The following SBNO2 variants were observed in gnomAD, a reference collection of about 807,000 sequenced individuals.
The protein encoded by SBNO2 is protein strawberry notch homolog 2.
In SBNO2, 89 loss-of-function variants were observed where a neutral mutation model predicts 146.3. That is an observed-to-expected ratio of 0.61 (90% CI 0.51 to 0.73). SBNO2 has a LOEUF of 0.73. Ranked by LOEUF, SBNO2 falls within the 30% of genes least tolerant of loss-of-function variation. The pLI is 0.00. For synonymous variants in SBNO2, 1,147 were observed against 892.6 expected (o/e 1.29, Z -5.08); for missense variants, 2,092 against 2,003.7 (o/e 1.04, Z -0.84).
At chr19:1,168,143 C>A (rs2080443641) in intron 1 of SBNO2, among the ~76,000 whole-genome samples, 1 of 152,072 alleles carries the variant, frequency 6.6e-6, no homozygotes, top group Non-Finnish European at 1.5e-5. Context: ...GGTGGCAGCC[C>A]CTGGTGTTCC....
chr19:1,135,445 G>A (rs1599854191), intron 4 of SBNO2, among the ~76,000 whole-genome samples: 1 of 152,374 alleles, frequency 6.6e-6, no homozygotes, highest in Admixed American at 6.5e-5. Flanking sequence ...GAAAGAACAA[G>A]CACAGACTCC....
At chr19:1,145,488 A>G (rs1008434286) in intron 4 of SBNO2, among the ~76,000 whole-genome samples, 3 of 150,120 alleles carry the variant, frequency 2.0e-5, no homozygotes, top group African/African-American at 7.4e-5. Flanking sequence ...AAAAAAAAAA[A>G]GAAAGAAAGA....
chr19:1,135,045 C>CAA (rs201799961), intron 4 of SBNO2, among the ~76,000 whole-genome samples: 984 of 50,692 alleles, frequency 0.019, 34 homozygotes, highest in African/African-American at 0.045. Flanking sequence ...GACTCTGTCT[C>CAA]AAAAAAAAAA....
Position 1,122,900 on chromosome 19 carries a change from G to A in SBNO2, c.774C>T (p.Ala258=). ...GTTGGGGACATGCGGTCACCTGGCAGGCGTAGGTGATGGCCTCTAGCTGCA... is the reference window on the plus strand; with the variant it reads ...GTTGGGGACATGCGGTCACCTGGCAAGCGTAGGTGATGGCCTCTAGCTGCA... ...SALQLEAITY[A]CQQHEVLLPS... The change falls in exon 8 of 32, where the codon GCC becomes GCT. Residue 258 remains alanine, a synonymous_variant. Coordinates refer to ENST00000361757, the MANE Select transcript of SBNO2 (RefSeq NM_014963.3). 4.5e-6 allele frequency: 7 copies of A among 1,548,588 alleles called. No homozygotes were observed. The highest frequency in any genetic ancestry group is 2.4e-5 in the East Asian group (1 of 41,198).
At chr19:1,155,948 C>T (rs572815048) in intron 1 of SBNO2, among the ~76,000 whole-genome samples, 2 of 152,338 alleles carry the variant, frequency 1.3e-5, no homozygotes, top group East Asian at 1.9e-4. Context: ...CCCAGAGCTA[C>T]GCTGACCTTT....
In SBNO2 at chr19:1,119,963, C is replaced by T. The variant is rs1207686036; in HGVS notation, c.1210G>A (p.Val404Met). The T allele has an allele frequency of 1.8e-5, 28 of 1,550,984 alleles. No individual in the cohort carries two copies. The highest frequency in any genetic ancestry group is 2.4e-5 in the Non-Finnish European group (28 of 1,147,280). Residue 404 changes from valine to methionine, a missense_variant, in exon 12 of 32, where the codon GTG (valine) becomes ATG (methionine). Physicochemically the swap from Val to Met is conservative, Grantham distance 21. Transcript: ENST00000361757. ...GGCAGCTTGTTCTGCAGGTCTAGCACAGCCTTGCCCATCTTGGTGGAGCCG... is the reference window on the plus strand; with the variant it reads ...GGCAGCTTGTTCTGCAGGTCTAGCATAGCCTTGCCCATCTTGGTGGAGCCG... ...NAGSTKMGKAVLDLQNKLPLA... is the reference protein window; with the variant it reads ...NAGSTKMGKAMLDLQNKLPLA...
rs1255569969 is a variant in SBNO2, at chr19:1,108,242, G to C, written c.4079C>G (p.Pro1360Arg). 1 of 1,527,158 alleles carries C rather than the reference G, an allele frequency of 6.5e-7. No homozygotes were observed. Among genetic ancestry groups the C allele is most frequent in the Non-Finnish European group, 8.8e-7 (1 of 1,135,308 alleles). 94.6% of individuals were successfully genotyped at this position (1,527,158 alleles called of 1,614,324 possible). A position where few individuals can be genotyped will look rare whatever the true frequency, so the allele number is the denominator to read the frequency against. ...QSVIQFSPPFPGAQAPL is the reference protein window; with the variant it reads ...QSVIQFSPPFRGAQAPL The stretch of plus-strand genomic sequence containing the variant: ...GTGTCAGAGAGGAGCCTGGGCGCCG[G>C]GGAAGGGTGGGCTGAACTGGATCAC... The change falls in exon 32 of 32, where the codon CCC (proline) becomes CGC (arginine). Residue 1360 changes from proline (P) to arginine (R), a missense_variant. Transcript: ENST00000361757.
chr19:1,161,729 G>A (rs1048953445), intron 1 of SBNO2, among the ~76,000 whole-genome samples: 1 of 151,998 alleles, frequency 6.6e-6, no homozygotes, highest in Non-Finnish European at 1.5e-5. Flanking sequence ...AAGTTCTCAA[G>A]TCTGCTGCCA....
At chr19:1,145,153 G>GGA (rs898242340) in intron 4 of SBNO2, among the ~76,000 whole-genome samples, 5 of 151,592 alleles carry the variant, frequency 3.3e-5, no homozygotes, top group Admixed American at 2.6e-4. Context: ...GGGGGAAGAG[G>GGA]GAGAGAGAGA....
rs1568557327 is a variant in SBNO2, at chr19:1,112,791, CG to C, written c.2379+26del. 6.5e-7 allele frequency: 1 copy of C among 1,546,522 alleles called. No homozygotes were observed. The highest frequency in any genetic ancestry group is 8.7e-7 in the Non-Finnish European group (1 of 1,146,780). On this transcript the variant is annotated intron_variant, in intron 20 of 31. Coordinates refer to ENST00000361757, the MANE Select transcript of SBNO2 (RefSeq NM_014963.3). This position sits in a 1 kb window ranked among gnomAD's most constrained non-coding sequence, Gnocchi z 5.9. ...TCTGTGCCTCTTGGGTCCCGTGGGC[CG>C]CGCCCAGTGCACTGCAGCCCCGCAC...
intron 5 of SBNO2, 21 bp downstream of exon 5, chr19:1,127,582 TG>T (rs766731448): frequency 1.9e-5 from 30 of 1,606,864 alleles, no homozygotes; most frequent in Non-Finnish European, 2.4e-5. Flanking sequence ...CGGGGCTGGC[TG>T]GGGGCACCGG....
intron 1 of SBNO2, among the ~76,000 whole-genome samples, chr19:1,160,267 C>T (rs147587399): frequency 6.4e-4 from 98 of 152,304 alleles, no homozygotes; most frequent in African/African-American, 2.2e-3. Flanking sequence ...AAGCCGCTCA[C>T]GGTCCCCAGG....
chr19:1,150,275 C>CGGGGCAGCAGCGGGCCCA lies in SBNO2; in HGVS notation c.94-851_94-834dup, dbSNP rs1054615324. Among the ~76,000 whole-genome samples, 1 of 152,142 alleles carries CGGGGCAGCAGCGGGCCCA rather than the reference C, an allele frequency of 6.6e-6. No homozygotes were observed. The highest frequency in any genetic ancestry group is 2.4e-5 in the African/African-American group (1 of 41,428). ...CCAAAACCTGAGGATGGGGAGCACA[C>CGGGGCAGCAGCGGGCCCA]GGGGCAGCAGCGGGCCCAAGGGCGG... On this transcript the variant is annotated intron_variant, in intron 2 of 31. Coordinates refer to ENST00000361757, the MANE Select transcript of SBNO2 (RefSeq NM_014963.3). The surrounding 1 kb of genome is among the most constrained non-coding windows in gnomAD (Gnocchi z 6.2).
rs28705887 is a variant in SBNO2 at position 1,110,637 on chromosome 19, C to T, written c.3028+108G>A. ...TGTTCCCACGAGCCCCTCGCCCACCCGGGATGCCCGGTGTTCCCACGAGCC... is the reference window on the plus strand; with the variant it reads ...TGTTCCCACGAGCCCCTCGCCCACCTGGGATGCCCGGTGTTCCCACGAGCC... On this transcript the variant is annotated intron_variant, in intron 26 of 31. Transcript: ENST00000361757. This position sits in a 1 kb window ranked among gnomAD's most constrained non-coding sequence, Gnocchi z 4.9. The T allele has an allele frequency of 9.0e-3, 12,176 of 1,358,148 alleles. 913 individuals are homozygous for T. In the African/African-American group the frequency reaches 0.16, roughly 18 times the overall value. The allele number at this position is 1,358,148 out of a possible 1,614,324, so 84.1% of individuals were successfully genotyped here. A position where few individuals can be genotyped will look rare whatever the true frequency, so the allele number is the denominator to read the frequency against.
At chr19:1,124,057 C>CG in intron 5 of SBNO2, 35 bp from the exon 6 acceptor site, 1 of 1,592,326 alleles carries the variant, frequency 6.3e-7, no homozygotes, top group Non-Finnish European at 8.6e-7. Flanking sequence ...CCGGGCCAGA[C>CG]GGGACAGGTC....
chr19:1,151,116 C>T (rs1412681849), intron 2 of SBNO2, among the ~76,000 whole-genome samples: 8 of 152,344 alleles, frequency 5.3e-5, no homozygotes, highest in Non-Finnish European at 1.2e-4. Context: ...AGAGAGAAAG[C>T]CAGCCCTGGA....
chr19:1,163,839 C>A (rs980397446), intron 1 of SBNO2, among the ~76,000 whole-genome samples: 1 of 152,204 alleles, frequency 6.6e-6, no homozygotes, highest in African/African-American at 2.4e-5. Context: ...CCAGGGCGAG[C>A]AAGTTCTCCC....
At chr19:1,155,452 C>T (rs180774684) in intron 1 of SBNO2, among the ~76,000 whole-genome samples, 58 of 152,354 alleles carry the variant, frequency 3.8e-4, no homozygotes, top group Middle Eastern at 6.8e-3. Flanking sequence ...GCAGTCAGGA[C>T]GCTACAACCC....
intron 1 of SBNO2, among the ~76,000 whole-genome samples, chr19:1,164,933 C>CAGGAGG (rs1224844922): frequency 0.088 from 655 of 7,468 alleles, 13 homozygotes; most frequent in Non-Finnish European, 0.14. Flanking sequence ...GGAGGAGGCA[C>CAGGAGG]AGGAGGAGGA....
Sources: gnomAD v4.1 joint callset for allele counts (sites outside exome capture counted in the v4.1 genomes callset) on GRCh38, gnomAD v4.1.1 for gene constraint, Gnocchi (gnomAD v3.1) non-coding constraint, MANE v1.5 for transcripts, NCBI Gene and HGNC (gene_info 2026-07-23, HGNC 2026-07-21) for gene names.